Variants in ADGRB3 observed in about 807,000 individuals in gnomAD.
The protein encoded by ADGRB3 is adhesion G protein-coupled receptor B3, also known as brain-specific angiogenesis inhibitor 3.
Under a neutral mutation model 193.4 loss-of-function variants are expected in ADGRB3, and 37 were observed. The ratio of observed to expected loss-of-function variants is 0.19; its 90% confidence interval spans 0.15 to 0.25. The LOEUF (loss-of-function observed/expected upper bound fraction) is 0.25, where lower values mean the gene tolerates loss of function less well. Among genes scored for constraint, ADGRB3 ranks in the 10% least tolerant of loss-of-function variants. The pLI is 1.00. For missense variants in ADGRB3, 1,637 were observed against 1,852.9 expected (o/e 0.88, Z 2.14); for synonymous variants, 690 against 644.2 (o/e 1.07, Z -1.08).
At chr6:68,738,008 A>G (rs73463941) in intron 3 of ADGRB3, among the ~76,000 whole-genome samples, 8,101 of 152,228 alleles carry the variant, frequency 0.053, 460 homozygotes, top group African/African-American at 0.14. Context: ...AGGTGTTGCT[A>G]GGGAGAATGG....
chr6:68,892,544 C>CTATT (rs1295068179), intron 3 of ADGRB3, among the ~76,000 whole-genome samples: 2 of 152,102 alleles, frequency 1.3e-5, no homozygotes, highest in Non-Finnish European at 2.9e-5. Flanking sequence ...ATCATAATTT[C>CTATT]TATTTATTTA....
At chr6:69,120,325 A>G (rs1420953043) in intron 17 of ADGRB3, among the ~76,000 whole-genome samples, 4 of 152,216 alleles carry the variant, frequency 2.6e-5, no homozygotes, top group South Asian at 2.1e-4. Flanking sequence ...AATCTATTCA[A>G]TAAGGAGCTC....
At chr6:68,923,783 A>C (rs2150243408) in intron 3 of ADGRB3, among the ~76,000 whole-genome samples, 1 of 152,160 alleles carries the variant, frequency 6.6e-6, no homozygotes, top group South Asian at 2.1e-4. Flanking sequence ...CATGTCAGAA[A>C]GTTTGGCAGA....
Position 68,639,046 on chromosome 6 carries a change from A to G in ADGRB3, c.371A>G (p.Asp124Gly), listed in dbSNP as rs769247421. Residue 124 changes from aspartate (D) to glycine (G), a missense_variant, in exon 3 of 32, where the codon GAT becomes GGT. Physicochemically the swap from Asp to Gly is moderately conservative, Grantham distance 94. This residue lies in a region of ADGRB3 where 365 missense variants were observed against 409.8 expected (regional missense o/e 0.89). Transcript: ENST00000370598. Reference protein sequence around the residue: ...SKNAFVFLQYDKNFIQIRRVF... With the variant: ...SKNAFVFLQYGKNFIQIRRVF... ...AATGCTTTCGTTTTTCTACAGTATG[A>G]TAAAAATTTTATTCAAATACGTCGA... 23 of 1,613,648 alleles carry G rather than the reference A, an allele frequency of 1.4e-5. No homozygotes were observed. The East Asian group carries it at 4.9e-4, about 34-fold the overall frequency.
chr6:69,120,412 C>T (rs941993316), intron 17 of ADGRB3, among the ~76,000 whole-genome samples: 1 of 152,198 alleles, frequency 6.6e-6, no homozygotes, highest in Non-Finnish European at 1.5e-5. Flanking sequence ...TTGAGAAACA[C>T]TGTATATCAT....
intron 3 of ADGRB3, among the ~76,000 whole-genome samples, chr6:68,891,800 A>G (rs1243158883): frequency 6.6e-6 from 1 of 152,166 alleles, no homozygotes; most frequent in Non-Finnish European, 1.5e-5. Flanking sequence ...AGGGAAAGGA[A>G]TTAGAGAAGT....
chr6:69,031,519 C>CTTTCTTTCTTTCTTTCTTTCTTTCTT lies in ADGRB3; in HGVS notation c.2107+13021_2107+13022insTTCTTTCTTTCTTTCTTTCTTTCTTT, dbSNP rs1554248703. On this transcript the variant is annotated intron_variant, in intron 13 of 31. Coordinates refer to ENST00000370598, the MANE Select transcript of ADGRB3 (RefSeq NM_001704.3). ...CACAAACATTTTGAATTTGAGTTGTCTCTTTCTTTCTTTCTTTCTTTCTTT... is the reference window on the plus strand; with the variant it reads ...CACAAACATTTTGAATTTGAGTTGTCTTTCTTTCTTTCTTTCTTTCTTTCTTTCTTTCTTTCTTTCTTTCTTTCTTT... 8.5e-4 allele frequency among the ~76,000 whole-genome samples: 18 copies of CTTTCTTTCTTTCTTTCTTTCTTTCTT among 21,266 alleles called. No individual in the cohort carries two copies. The South Asian group carries it at 0.035, about 42-fold the overall frequency. The allele number at this position is 21,266 out of a possible 152,430, so 14.0% of individuals were successfully genotyped here.
chr6:69,304,573 T>G (rs1438267402), intron 20 of ADGRB3, among the ~76,000 whole-genome samples: 1 of 151,652 alleles, frequency 6.6e-6, no homozygotes, highest in East Asian at 1.9e-4. Flanking sequence ...GTCATCCTTT[T>G]GCTTCTTTGA....
chr6:69,300,868 G>C (rs1010347432), intron 20 of ADGRB3, among the ~76,000 whole-genome samples: 1 of 151,766 alleles, frequency 6.6e-6, no homozygotes, highest in African/African-American at 2.4e-5. Flanking sequence ...TCACTATCAT[G>C]ATGATTACAT....
At chr6:69,382,349 C>T (rs1769967397) in intron 30 of ADGRB3, among the ~76,000 whole-genome samples, 1 of 151,892 alleles carries the variant, frequency 6.6e-6, no homozygotes. Context: ...TTGATTCAGC[C>T]TTAATGGCAG....
intron 17 of ADGRB3, among the ~76,000 whole-genome samples, chr6:69,209,877 A>ACTCT (rs958840370): frequency 6.6e-6 from 1 of 151,856 alleles, no homozygotes; most frequent in Non-Finnish European, 1.5e-5. Context: ...ATTTTGCATA[A>ACTCT]CTCTCTAAAC....
intron 20 of ADGRB3, among the ~76,000 whole-genome samples, chr6:69,299,621 C>A (rs928176863): frequency 1.3e-5 from 2 of 151,860 alleles, no homozygotes; most frequent in African/African-American, 2.4e-5. Context: ...TTTCCCAGCA[C>A]CATTAATTGA....
intron 17 of ADGRB3, among the ~76,000 whole-genome samples, chr6:69,086,600 G>C (rs146233811): frequency 6.6e-6 from 1 of 152,266 alleles, no homozygotes; most frequent in African/African-American, 2.4e-5. Context: ...TTGAAAGTTA[G>C]TGCCAAATTT....
intron 21 of ADGRB3, 68 bp downstream of exon 21, chr6:69,325,090 C>T (rs2296975): frequency 0.12 from 182,904 of 1,512,264 alleles, 12,164 homozygotes; most frequent in Middle Eastern, 0.18. Flanking sequence ...AGAAAGCAGT[C>T]ATGAGTGATT....
At chr6:68,753,238 T>C (rs1367971018) in intron 3 of ADGRB3, among the ~76,000 whole-genome samples, 1 of 152,140 alleles carries the variant, frequency 6.6e-6, no homozygotes, top group Non-Finnish European at 1.5e-5. Flanking sequence ...AGTGTCAAAT[T>C]TGGGCATCTA....
chr6:69,154,454 C>T (rs988115087), intron 17 of ADGRB3, among the ~76,000 whole-genome samples: 2 of 152,180 alleles, frequency 1.3e-5, no homozygotes, highest in Admixed American at 1.3e-4. Flanking sequence ...TGTACCTCTG[C>T]CTTGTCATTA....
chr6:69,383,029 A>G, intron 31 of ADGRB3, 94 bp downstream of exon 31: 1 of 728,750 alleles, frequency 1.4e-6, no homozygotes, highest in Non-Finnish European at 2.1e-6. Flanking sequence ...GGAACATAAG[A>G]TGAGTCTACA....
intron 17 of ADGRB3, among the ~76,000 whole-genome samples, chr6:69,154,102 CTGG>C (rs1483586915): frequency 6.6e-6 from 1 of 152,144 alleles, no homozygotes; most frequent in Non-Finnish European, 1.5e-5. Context: ...CACTTCAAAA[CTGG>C]TATTTCGTGA....
chr6:68,776,214 A>G (rs996226012), intron 3 of ADGRB3, among the ~76,000 whole-genome samples: 4 of 152,122 alleles, frequency 2.6e-5, no homozygotes, highest in Non-Finnish European at 4.4e-5. Context: ...GAGGTAAGGG[A>G]CTGAGAATTG....
Sources: allele counts gnomAD v4.1 joint callset (sites outside exome capture counted in the v4.1 genomes callset), GRCh38; gene constraint gnomAD v4.1.1; regional missense constraint gnomAD v4.1.1; transcripts MANE v1.5; gene names NCBI Gene and HGNC (gene_info 2026-07-23, HGNC 2026-07-21).